The following MYL7 variants were observed in gnomAD, a reference collection of about 807,000 sequenced individuals.
MYL7 encodes myosin regulatory light chain 2, atrial isoform.
Under a neutral mutation model 22.5 loss-of-function variants are expected in MYL7, and 27 were observed. That is an observed-to-expected ratio of 1.20 (90% confidence interval 0.89 to 1.66). The LOEUF (loss-of-function observed/expected upper bound fraction) is 1.66, where lower values mean the gene tolerates loss of function less well. MYL7 is among the 40% of genes most tolerant of loss of function. The pLI, the probability that MYL7 is intolerant of heterozygous loss-of-function variation, is 0.00. For missense variants in MYL7, 209 were observed against 226.8 expected (o/e 0.92, Z 0.50); for synonymous variants, 81 against 84.4 (o/e 0.96, Z 0.22).
rs374644501 is a variant in MYL7, at chr7:44,141,245, C to T, written c.3+58G>A. ...ACAAGCACAGAAAACTCTGCTCCCCCAGCCCAAAGGCCAGCACCTGGGAGA... is the reference window on the plus strand; with the variant it reads ...ACAAGCACAGAAAACTCTGCTCCCCTAGCCCAAAGGCCAGCACCTGGGAGA... On this transcript the variant is annotated intron_variant, in intron 1 of 6. Coordinates refer to ENST00000223364, the MANE Select transcript of MYL7 (RefSeq NM_021223.3). The T allele has an allele frequency of 1.1e-5, 17 of 1,613,734 alleles. No individual in the cohort carries two copies. The African/African-American group carries it at 1.9e-4, about 18-fold the overall frequency.
At position 44,141,021 on chromosome 7, in the gene MYL7, T is replaced by C. The variant is rs748334220; in HGVS notation, c.57A>G (p.Gln19=). ...RGKVAATKQA[Q]RGSSNVFSMF... ...TGGAAAAGACGTTGGAAGAACCACG[T>C]TGGGCCTGCTTGGTGGCTGCCACCT... The change falls in exon 2 of 7, where the codon CAA becomes CAG. Residue 19 remains glutamine, a synonymous_variant. Transcript: ENST00000223364. 4 of 1,613,972 alleles carry C rather than the reference T, an allele frequency of 2.5e-6. No individual in the cohort carries two copies. Among genetic ancestry groups the C allele is most frequent in the East Asian group, 2.2e-5 (1 of 44,868 alleles).
Position 44,141,301 on chromosome 7 carries a change from A to C in MYL7, c.3+2T>G, listed in dbSNP as rs764137092. ...AGCCTTTCTTCCCCAGCAGGCACTC[A>C]CCATTCTCTCTGCAGAGGTGTGGCT... On this transcript the variant is annotated splice_donor_variant, in intron 1 of 6. Transcript: ENST00000223364. LOFTEE classifies it high-confidence loss of function. The C allele has an allele frequency of 1.6e-5, 26 of 1,613,746 alleles. No homozygotes were observed. Among genetic ancestry groups the C allele is most frequent in the Non-Finnish European group, 2.2e-5 (26 of 1,179,882 alleles).
intron 3 of MYL7, 51 bp from the exon 4 acceptor site, chr7:44,140,478 G>GA (rs1464520312): frequency 4.4e-6 from 6 of 1,355,506 alleles, no homozygotes; most frequent in Non-Finnish European, 5.9e-6. Context: ...GTGTCCCCCA[G>GA]AAGGCCCAGG....
In MYL7 at chr7:44,141,003, G is replaced by T. The variant is rs760107445; in HGVS notation, c.75C>A (p.Val25=). ...TKQAQRGSSN[V]FSMFEQAQIQ... ...TCTGGGCTTGTTCAAACATGGAAAAGACGTTGGAAGAACCACGTTGGGCCT... is the reference window on the plus strand; with the variant it reads ...TCTGGGCTTGTTCAAACATGGAAAATACGTTGGAAGAACCACGTTGGGCCT... The change falls in exon 2 of 7, where the codon GTC becomes GTA. Residue 25 remains valine (V), a synonymous_variant. Transcript: ENST00000223364. The T allele has an allele frequency of 2.5e-6, 4 of 1,613,984 alleles. No homozygotes were observed. The highest frequency in any genetic ancestry group is 3.4e-6 in the Non-Finnish European group (4 of 1,179,956).
rs1261251582 is a variant in MYL7, at chr7:44,140,564, A to C, written c.194-137T>G. 9.8e-6 allele frequency: 11 copies of C among 1,117,782 alleles called. No homozygotes were observed. The Admixed American group carries it at 2.6e-4, about 27-fold the overall frequency. 69.2% of individuals were successfully genotyped at this position (1,117,782 alleles called of 1,614,324 possible). A position where few individuals can be genotyped will look rare whatever the true frequency, so the allele number is the denominator to read the frequency against. ...TGGGTCGGGAAGGTGAAGTGGAAGC[A>C]AGGCGTGACAAGGGGGGAAGGGCAG... On this transcript the variant is annotated intron_variant, in intron 3 of 6. Coordinates refer to ENST00000223364, the MANE Select transcript of MYL7 (RefSeq NM_021223.3).
chr7:44,140,659 A>G, intron 3 of MYL7, 53 bp downstream of exon 3: 1 of 1,530,292 alleles, frequency 6.5e-7, no homozygotes, highest in Non-Finnish European at 8.8e-7. Context: ...CCACCCGCCC[A>G]GCAGCTCAGA....
chr7:44,139,943 G>T, intron 4 of MYL7, 83 bp from the exon 5 acceptor site: 2 of 1,242,878 alleles, frequency 1.6e-6, no homozygotes, highest in Non-Finnish European at 1.1e-6. Context: ...TGCATGAGGA[G>T]CCTCCCACAT....
rs2128817309 is a variant in MYL7 at position 44,141,311 on chromosome 7, C to A, written c.-6G>T. On this transcript the variant is annotated 5_prime_UTR_variant, in exon 1 of 7. Transcript: ENST00000223364. ...CCCCAGCAGGCACTCACCATTCTCTCTGCAGAGGTGTGGCTGCTGTCGTGG... is the reference window on the plus strand; with the variant it reads ...CCCCAGCAGGCACTCACCATTCTCTATGCAGAGGTGTGGCTGCTGTCGTGG... The A allele has an allele frequency of 6.2e-7, 1 of 1,613,580 alleles. No individual in the cohort carries two copies. Among genetic ancestry groups the A allele is most frequent in the Non-Finnish European group, 8.5e-7 (1 of 1,179,710 alleles).
Position 44,140,377 on chromosome 7 carries a change from T to G in MYL7, c.244A>C (p.Lys82Gln), listed in dbSNP as rs1361018417. The G allele has an allele frequency of 1.9e-6, 3 of 1,613,650 alleles. No individual in the cohort carries two copies. In the African/African-American group the frequency reaches 4.0e-5, roughly 22 times the overall value. The change falls in exon 4 of 7, where the codon AAG becomes CAG. Residue 82 changes from lysine to glutamine, a missense_variant. By Grantham distance (53) the Lys-to-Gln change is moderately conservative. Coordinates refer to ENST00000223364, the MANE Select transcript of MYL7 (RefSeq NM_021223.3). ...AAGACGGTGAAGTTGATGGGGCCCT[T>G]GCCCTCTTGCAGCATGGCGTCCAGC... Reference protein sequence around the residue: ...EELDAMLQEGKGPINFTVFLT... With the variant: ...EELDAMLQEGQGPINFTVFLT...
chr7:44,140,719 G>A lies in MYL7; in HGVS notation c.186C>T (p.Ser62=). ...GGAGGTGGGTGCACGCACCCAGCTG[G>A]GAGTAGGTCTCCCTCAGGTCTGCCT... The part of the protein sequence containing the change: ...ICKADLRETY[S]QLGKVSVPEE... The change falls in exon 3 of 7, where the codon TCC becomes TCT. Residue 62 remains serine, a synonymous_variant. Coordinates refer to ENST00000223364, the MANE Select transcript of MYL7 (RefSeq NM_021223.3). 1 of 1,607,852 alleles carries A rather than the reference G, an allele frequency of 6.2e-7. No individual in the cohort carries two copies. Among genetic ancestry groups the A allele is most frequent in the Non-Finnish European group, 8.5e-7 (1 of 1,176,892 alleles).
At chr7:44,140,889 AG>A (rs745473345) in intron 2 of MYL7, 71 bp downstream of exon 2, 8 of 804,350 alleles carry the variant, frequency 9.9e-6, no homozygotes, top group Non-Finnish European at 1.3e-5. Context: ...TCAGGGTAGA[AG>A]GGGGGTATGT....
In MYL7 at chr7:44,140,350, G is replaced by C. The variant is rs775108527; in HGVS notation, c.271C>G (p.Leu91Val). The C allele has an allele frequency of 6.2e-7, 1 of 1,614,030 alleles. No homozygotes were observed. Among genetic ancestry groups the C allele is most frequent in the Non-Finnish European group, 8.5e-7 (1 of 1,179,980 alleles). ...TTGAGCTTCTCCCCAAAGAGCGTGAGGAAGACGGTGAAGTTGATGGGGCCC... is the reference window on the plus strand; with the variant it reads ...TTGAGCTTCTCCCCAAAGAGCGTGACGAAGACGGTGAAGTTGATGGGGCCC... ...GKGPINFTVFLTLFGEKLNGT... is the reference protein window; with the variant it reads ...GKGPINFTVFVTLFGEKLNGT... Residue 91 changes from leucine to valine, a missense_variant, in exon 4 of 7, where the codon CTC (leucine) becomes GTC (valine). Coordinates refer to ENST00000223364, the MANE Select transcript of MYL7 (RefSeq NM_021223.3).
In MYL7 at chr7:44,138,951, G is replaced by A. The variant is rs377292805; in HGVS notation, c.498C>T (p.Ile166=). 1.9e-6 allele frequency: 3 copies of A among 1,614,040 alleles called. No individual in the cohort carries two copies. Among genetic ancestry groups the A allele is most frequent in the Non-Finnish European group, 2.5e-6 (3 of 1,180,004 alleles). ...CCTCTTTCTCGTCTCCATGGGTGAT[G>A]ATGTAGCACAGTGACTTGTAGTCGA... The part of the protein sequence containing the change: ...GNIDYKSLCY[I]ITHGDEKEE The change falls in exon 7 of 7, where the codon ATC becomes ATT. Residue 166 remains isoleucine, a synonymous_variant. Coordinates refer to ENST00000223364, the MANE Select transcript of MYL7 (RefSeq NM_021223.3).
intron 4 of MYL7, 61 bp downstream of exon 4, chr7:44,140,262 G>A: frequency 7.0e-7 from 1 of 1,429,684 alleles, no homozygotes; most frequent in Middle Eastern, 1.7e-4. Context: ...TTCAGGTGGG[G>A]TTCAGGCAGG....
At chr7:44,140,081 C>T (rs2096263417) in intron 4 of MYL7, among the ~76,000 whole-genome samples, 1 of 151,976 alleles carries the variant, frequency 6.6e-6, no homozygotes, top group Non-Finnish European at 1.5e-5. Flanking sequence ...GGGCTGAAGG[C>T]ACATTTCCTG....
rs773977622 is a variant in MYL7, at chr7:44,140,336, C to T, written c.285G>A (p.Gly95=). 3.1e-6 allele frequency: 5 copies of T among 1,613,936 alleles called. No homozygotes were observed. Among genetic ancestry groups the T allele is most frequent in the Non-Finnish European group, 4.2e-6 (5 of 1,179,968 alleles). The change falls in exon 4 of 7, where the codon GGG becomes GGA. Residue 95 remains glycine, a synonymous_variant. Transcript: ENST00000223364. ...INFTVFLTLF[G]EKLNGTDPEE... is the part of the protein sequence containing the mutation. ...TCCCAGGCTCACCATTGAGCTTCTC[C>T]CCAAAGAGCGTGAGGAAGACGGTGA...
At chr7:44,140,544 C>A in intron 3 of MYL7, 117 bp from the exon 4 acceptor site, 1 of 1,179,912 alleles carries the variant, frequency 8.5e-7, no homozygotes, top group South Asian at 1.4e-5. Flanking sequence ...AGCTGTGGGT[C>A]GGGAAGGTGA....
intron 6 of MYL7, 130 bp downstream of exon 6, chr7:44,139,391 G>T: frequency 9.8e-7 from 1 of 1,018,702 alleles, no homozygotes. Flanking sequence ...CAACAGAGAT[G>T]GCACCTCCTC....
Position 44,139,029 on chromosome 7 carries a change from G to A in MYL7, c.427-7C>T, listed in dbSNP as rs758877391. On this transcript the variant is annotated splice_polypyrimidine_tract_variant and splice_region_variant and intron_variant, in intron 6 of 6. Transcript: ENST00000223364. ...GGGCGAACATCTGCTCCACCTGCAG[G>A]GGACACTGGTGAGTGGCAGTCCCCT... The A allele has an allele frequency of 1.2e-6, 2 of 1,612,232 alleles. No homozygotes were observed. Among genetic ancestry groups the A allele is most frequent in the Non-Finnish European group, 1.7e-6 (2 of 1,178,508 alleles).
Sources: allele counts gnomAD v4.1 joint callset (sites outside exome capture counted in the v4.1 genomes callset), GRCh38; gene constraint gnomAD v4.1.1; transcripts MANE v1.5; gene names NCBI Gene and HGNC (gene_info 2026-07-23, HGNC 2026-07-21).